Variants in EVC2 observed in about 807,000 individuals in gnomAD.
EVC2 encodes the protein limbin.
Under a neutral mutation model 149.3 loss-of-function variants are expected in EVC2, and 148 were observed. The observed-to-expected ratio is 0.99, with a 90% CI of 0.87 to 1.14. EVC2 has a LOEUF of 1.14. Ranked by LOEUF, EVC2 falls within the 50% of genes most tolerant of loss-of-function variation. The probability of loss-of-function intolerance (pLI) is 0.00; values close to 1 mark genes in which losing one functional copy is unlikely to be tolerated. For synonymous variants in EVC2, 776 were observed against 649.9 expected, an observed-to-expected ratio of 1.19 and a Z score of -2.95; for missense variants, 1,854 against 1,627.3, an observed-to-expected ratio of 1.14 and a Z score of -2.40.
chr4:5,570,909 T>C (rs1722603850), intron 19 of EVC2, among the ~76,000 whole-genome samples: 2 of 152,076 alleles, frequency 1.3e-5, no homozygotes, highest in Non-Finnish European at 2.9e-5. Flanking sequence ...AAACCATATA[T>C]TGTATGTTCT....
intron 1 of EVC2, among the ~76,000 whole-genome samples, chr4:5,706,114 C>G (rs1026768645): frequency 9.9e-5 from 15 of 151,892 alleles, no homozygotes; most frequent in African/African-American, 3.6e-4. Context: ...CTGACTCCTT[C>G]CCTGGCTAAA....
At chr4:5,656,171 G>A (rs1718507514) in intron 9 of EVC2, among the ~76,000 whole-genome samples, 1 of 152,206 alleles carries the variant, frequency 6.6e-6, no homozygotes, top group African/African-American at 2.4e-5. Context: ...TGGCCTTGGA[G>A]TCAGAAGACC....
chr4:5,568,165 T>C (rs1722414703), intron 20 of EVC2, among the ~76,000 whole-genome samples: 2 of 152,134 alleles, frequency 1.3e-5, no homozygotes, highest in African/African-American at 4.8e-5. Context: ...TGTAACAGGA[T>C]GCTAGCAGTC....
chr4:5,693,330 G>A (rs1165439543), intron 3 of EVC2, among the ~76,000 whole-genome samples: 2 of 152,222 alleles, frequency 1.3e-5, no homozygotes, highest in South Asian at 2.1e-4. Flanking sequence ...CTCTGAAGAT[G>A]TAATTAAACT....
chr4:5,631,786 G>A lies in EVC2; in HGVS notation c.1710+7C>T, dbSNP rs2108851268. 6.2e-7 allele frequency: 1 copy of A among 1,613,674 alleles called. No homozygotes were observed. The highest frequency in any genetic ancestry group is 1.1e-5 in the South Asian group (1 of 91,062). The stretch of plus-strand genomic sequence containing the variant: ...ACTTTTCCATCACAGCGAGGCTGAT[G>A]TATTACCTGTATTTTAGAATAATTT... On this transcript the variant is annotated splice_region_variant and intron_variant, in intron 11 of 21. Coordinates refer to ENST00000344408, the MANE Select transcript of EVC2 (RefSeq NM_147127.5).
chr4:5,672,150 G>A (rs1270667392), intron 7 of EVC2, among the ~76,000 whole-genome samples: 2 of 152,154 alleles, frequency 1.3e-5, no homozygotes, highest in Non-Finnish European at 2.9e-5. Flanking sequence ...GGGAGGGAGG[G>A]GAGCTCCTCT....
chr4:5,597,247 G>A (rs568910639), intron 16 of EVC2, among the ~76,000 whole-genome samples: 14 of 152,076 alleles, frequency 9.2e-5, no homozygotes, highest in South Asian at 6.2e-4. Context: ...TACCAAAGCC[G>A]GGCAGAGACA....
At chr4:5,656,237 G>A (rs1718511658) in intron 9 of EVC2, among the ~76,000 whole-genome samples, 1 of 152,080 alleles carries the variant, frequency 6.6e-6, no homozygotes, top group South Asian at 2.1e-4. Context: ...TTCCCAGCAT[G>A]CCAGTGTCTA....
chr4:5,614,573 C>T lies in EVC2; in HGVS notation c.2829+849G>A, dbSNP rs554710693. Among the ~76,000 whole-genome samples the T allele has an allele frequency of 6.6e-6, 1 of 152,170 alleles. No homozygotes were observed. The highest frequency in any genetic ancestry group is 6.5e-5 in the Admixed American group (1 of 15,268). On this transcript the variant is annotated intron_variant, in intron 16 of 21. Coordinates refer to ENST00000344408, the MANE Select transcript of EVC2 (RefSeq NM_147127.5). The surrounding 1 kb of genome is among the most constrained non-coding windows in gnomAD (Gnocchi z 4.7). ...GGAACACCTCAGGACAGCAAGGACACAAGTTATTTATCCAGGTAAATAGAG... is the reference window on the plus strand; with the variant it reads ...GGAACACCTCAGGACAGCAAGGACATAAGTTATTTATCCAGGTAAATAGAG...
chr4:5,684,040 T>G (rs921830034), intron 6 of EVC2, among the ~76,000 whole-genome samples: 4 of 152,228 alleles, frequency 2.6e-5, no homozygotes, highest in African/African-American at 9.6e-5. Flanking sequence ...ATTTGCTTTC[T>G]GATGCTTACC....
At chr4:5,571,688 T>C (rs1283572090) in intron 19 of EVC2, among the ~76,000 whole-genome samples, 5 of 152,162 alleles carry the variant, frequency 3.3e-5, no homozygotes, top group African/African-American at 9.7e-5. Flanking sequence ...CGGCAAAATA[T>C]GGGGCTTCCT....
At position 5,597,808 on chromosome 4, in the gene EVC2, T is replaced by A. The variant is rs1317664209; in HGVS notation, c.2830-12958A>T. Among the ~76,000 whole-genome samples the A allele has an allele frequency of 2.3e-4, 27 of 115,654 alleles. No homozygotes were observed. The South Asian group carries it at 8.6e-3, about 37-fold the overall frequency. 75.9% of individuals were successfully genotyped at this position (115,654 alleles called of 152,430 possible). A position where few individuals can be genotyped will look rare whatever the true frequency, so the allele number is the denominator to read the frequency against. On this transcript the variant is annotated intron_variant, in intron 16 of 21. Coordinates refer to ENST00000344408, the MANE Select transcript of EVC2 (RefSeq NM_147127.5). ...TGTTTGCAGACGACATGATTGTATATCTAGAAAACCCCACTGTCTCAGCCC... is the reference window on the plus strand; with the variant it reads ...TGTTTGCAGACGACATGATTGTATAACTAGAAAACCCCACTGTCTCAGCCC...
chr4:5,697,415 G>A (rs1053938864), intron 2 of EVC2, among the ~76,000 whole-genome samples, 178 bp downstream of exon 2: 1 of 152,198 alleles, frequency 6.6e-6, no homozygotes, highest in Non-Finnish European at 1.5e-5. Flanking sequence ...GCTTCGGCCA[G>A]CTTTGAGGTG....
chr4:5,544,888 C>G (rs1452737663), intron 21 of EVC2, among the ~76,000 whole-genome samples: 3 of 152,166 alleles, frequency 2.0e-5, no homozygotes, highest in Admixed American at 6.5e-5. Flanking sequence ...CCCACCCTGG[C>G]TCCCTTAGCT....
intron 16 of EVC2, 48 bp downstream of exon 16, chr4:5,615,374 C>T (rs1439936073): frequency 1.2e-6 from 2 of 1,613,262 alleles, no homozygotes; most frequent in Non-Finnish European, 8.5e-7. Context: ...ATCAGAGCAG[C>T]CCCGCCATGT....
chr4:5,651,469 A>G (rs1718142231), intron 9 of EVC2, among the ~76,000 whole-genome samples: 2 of 152,062 alleles, frequency 1.3e-5, no homozygotes, highest in South Asian at 4.2e-4. Context: ...GGTAGGTGGA[A>G]GAACAAGTGA....
chr4:5,595,535 A>AC (rs984269922), intron 16 of EVC2, among the ~76,000 whole-genome samples: 4 of 152,140 alleles, frequency 2.6e-5, no homozygotes, highest in Non-Finnish European at 5.9e-5. Context: ...TTTTGTCACC[A>AC]CCAGGCCTGC....
rs1235142444 is a variant in EVC2 at position 5,696,529 on chromosome 4, G to A, written c.283+1064C>T. ...GGCCTGCACTGGAACTGTCACAGCC[G>A]CTGGGAAGTCTGCGCTGCAGGTGCC... On this transcript the variant is annotated intron_variant, in intron 2 of 21. Coordinates refer to ENST00000344408, the MANE Select transcript of EVC2 (RefSeq NM_147127.5). The surrounding 1 kb of genome is among the most constrained non-coding windows in gnomAD (Gnocchi z 4.1). Among the ~76,000 whole-genome samples the A allele has an allele frequency of 1.3e-5, 2 of 152,198 alleles. No individual in the cohort carries two copies. Among genetic ancestry groups the A allele is most frequent in the East Asian group, 3.9e-4 (2 of 5,180 alleles).
intron 16 of EVC2, among the ~76,000 whole-genome samples, 196 bp downstream of exon 16, chr4:5,615,226 A>C (rs1715151376): frequency 6.6e-6 from 1 of 152,186 alleles, no homozygotes; most frequent in Admixed American, 6.5e-5. Flanking sequence ...AGAGGGTTCC[A>C]AACAGAATGC....
Sources: allele counts gnomAD v4.1 joint callset (sites outside exome capture counted in the v4.1 genomes callset), GRCh38; gene constraint gnomAD v4.1.1; non-coding constraint Gnocchi (gnomAD v3.1); transcripts MANE v1.5; gene names NCBI Gene and HGNC (gene_info 2026-07-23, HGNC 2026-07-21).